Variants in GRB10 observed in about 807,000 individuals in gnomAD.
GRB10 encodes growth factor receptor-bound protein 10.
In GRB10, 20 loss-of-function variants were observed where a neutral mutation model predicts 80.9. That is an observed-to-expected ratio of 0.25 (90% CI 0.17 to 0.36). GRB10 has a LOEUF of 0.36. Ranked by LOEUF, GRB10 falls within the 10% of genes least tolerant of loss-of-function variation. GRB10 has a pLI of 1.00. For missense variants in GRB10, 548 were observed against 747.7 expected, an observed-to-expected ratio of 0.73 and a Z score of 3.12; for synonymous variants, 291 against 291.5, an observed-to-expected ratio of 1.00 and a Z score of 0.02.
At chr7:50,710,750 A>C in intron 4 of GRB10, 1 of 1,050,944 alleles carries the variant, frequency 9.5e-7, no homozygotes, top group African/African-American at 1.6e-5. Context: ...GGGTATCTCC[A>C]CACCTTCCTG....
chr7:50,786,578 T>C (rs192231583), upstream of GRB10, among the ~76,000 whole-genome samples: 38 of 152,352 alleles, frequency 2.5e-4, no homozygotes, highest in African/African-American at 8.4e-4. Flanking sequence ...CCATTCTGCC[T>C]AAAGGCAATG....
chr7:50,642,964 C>T (rs1215685567), intron 7 of GRB10, among the ~76,000 whole-genome samples: 1 of 152,186 alleles, frequency 6.6e-6, no homozygotes, highest in Non-Finnish European at 1.5e-5. Context: ...CTGCAGAGAG[C>T]AGAGGATCGA....
intron 7 of GRB10, among the ~76,000 whole-genome samples, chr7:50,650,439 C>T (rs1286102812): frequency 7.7e-6 from 1 of 129,078 alleles, no homozygotes; most frequent in East Asian, 2.6e-4. Context: ...GGAATGTGGC[C>T]ACAGAAGGGC....
chr7:50,643,395 G>A (rs1343197112), intron 7 of GRB10, among the ~76,000 whole-genome samples: 1 of 152,158 alleles, frequency 6.6e-6, no homozygotes, highest in African/African-American at 2.4e-5. Flanking sequence ...GGACTCCAAG[G>A]AAACACCACA....
chr7:50,681,491 T>C (rs1406992546), intron 5 of GRB10, among the ~76,000 whole-genome samples: 1 of 152,210 alleles, frequency 6.6e-6, no homozygotes, highest in African/African-American at 2.4e-5. Context: ...AAAATGTGAC[T>C]GTTAACAGTG....
chr7:50,734,124 G>A (rs1421980360), intron 3 of GRB10, among the ~76,000 whole-genome samples: 1 of 152,062 alleles, frequency 6.6e-6, no homozygotes, highest in East Asian at 1.9e-4. Flanking sequence ...TGGACAGGCC[G>A]TCACCCCTAG....
chr7:50,731,863 A>G (rs2069797127), intron 4 of GRB10, among the ~76,000 whole-genome samples: 1 of 152,108 alleles, frequency 6.6e-6, no homozygotes. Context: ...GCGTGAGCAC[A>G]TGTGTCCAGG....
chr7:50,730,920 A>C (rs891014565), intron 4 of GRB10, among the ~76,000 whole-genome samples: 1 of 152,170 alleles, frequency 6.6e-6, no homozygotes, highest in Non-Finnish European at 1.5e-5. Flanking sequence ...GAGCTCACTG[A>C]CTGCACTCTC....
At chr7:50,786,510 C>A (rs914898976), upstream of GRB10, among the ~76,000 whole-genome samples, 51 of 152,158 alleles carry the variant, frequency 3.4e-4, no homozygotes, top group African/African-American at 1.2e-3. Context: ...AACCAAAAAA[C>A]CACTCTGGTA....
intron 7 of GRB10, among the ~76,000 whole-genome samples, chr7:50,657,661 T>TA (rs2058786301): frequency 6.6e-6 from 1 of 152,204 alleles, no homozygotes; most frequent in East Asian, 1.9e-4. Flanking sequence ...AAGTAAAAGA[T>TA]AAACCATGTT....
At chr7:50,629,464 GAGTCAGACACAA>G (rs1038049478) in intron 7 of GRB10, among the ~76,000 whole-genome samples, 1 of 152,136 alleles carries the variant, frequency 6.6e-6, no homozygotes, top group African/African-American at 2.4e-5. Context: ...ACAGGAGACT[GAGTCAGACACAA>G]AGGCAGGCAC....
chr7:50,686,677 T>C (rs2062138475), intron 5 of GRB10, among the ~76,000 whole-genome samples: 1 of 152,182 alleles, frequency 6.6e-6, no homozygotes. Flanking sequence ...AAAGCCACCA[T>C]TTTTTGAGCA....
intron 13 of GRB10, among the ~76,000 whole-genome samples, chr7:50,609,855 C>A (rs1430748977): frequency 2.0e-5 from 3 of 152,204 alleles, no homozygotes; most frequent in African/African-American, 7.2e-5. Flanking sequence ...GCTGGCGCTA[C>A]TAAGAGCATC....
In GRB10 at chr7:50,592,856, G is replaced by T; in HGVS notation, c.*96C>A. On this transcript the variant is annotated 3_prime_UTR_variant, in exon 19 of 19. Transcript: ENST00000401949. ...AAACCCATCTCGCTCTGGGTCCCCA[G>T]GTGCAGAATCGATGTGTGTTCTTCA... The T allele has an allele frequency of 7.2e-7, 1 of 1,390,982 alleles. No homozygotes were observed. The highest frequency in any genetic ancestry group is 1.0e-6 in the Non-Finnish European group (1 of 980,866). 86.2% of individuals were successfully genotyped at this position (1,390,982 alleles called of 1,614,324 possible).
chr7:50,665,225 G>A (rs1586595449), intron 7 of GRB10, among the ~76,000 whole-genome samples: 3 of 152,222 alleles, frequency 2.0e-5, no homozygotes, highest in South Asian at 4.1e-4. Context: ...TTTGCCTTCC[G>A]TGAGGGAATA....
intron 7 of GRB10, among the ~76,000 whole-genome samples, chr7:50,661,815 G>A (rs1032550750): frequency 6.6e-6 from 1 of 152,158 alleles, no homozygotes; most frequent in Non-Finnish European, 1.5e-5. Context: ...TTACCCACCC[G>A]TATATGGAAC....
chr7:50,706,175 T>C (rs945552194), intron 4 of GRB10, among the ~76,000 whole-genome samples: 2 of 152,240 alleles, frequency 1.3e-5, no homozygotes, highest in African/African-American at 4.8e-5. Flanking sequence ...TCTTTGCACC[T>C]TTGTTGTACA....
chr7:50,778,401 T>C (rs1394218601), intron 2 of GRB10, among the ~76,000 whole-genome samples: 1 of 152,202 alleles, frequency 6.6e-6, no homozygotes, highest in East Asian at 1.9e-4. Context: ...CAAAGTCCCA[T>C]GGAGCCCATC....
At chr7:50,762,323 T>C (rs963712683) in intron 2 of GRB10, among the ~76,000 whole-genome samples, 8 of 150,326 alleles carry the variant, frequency 5.3e-5, no homozygotes, top group Non-Finnish European at 1.2e-4. Flanking sequence ...ACGAGATCCT[T>C]TGAAGAAAAT....
Sources: gnomAD v4.1 joint callset for allele counts (sites outside exome capture counted in the v4.1 genomes callset) on GRCh38, gnomAD v4.1.1 for gene constraint, MANE v1.5 for transcripts, NCBI Gene and HGNC (gene_info 2026-07-23, HGNC 2026-07-21) for gene names.